The following ZNF568 variants were observed in gnomAD, a reference collection of about 807,000 sequenced individuals.
ZNF568 encodes p53 inhibitor of SCO2 activation.
Under a neutral mutation model 18.1 loss-of-function variants are expected in ZNF568, and 11 were observed. The observed-to-expected ratio is 0.61, with a 90% CI of 0.38 to 1.00. The LOEUF (loss-of-function observed/expected upper bound fraction) is 1.00. Ranked by LOEUF, ZNF568 falls within the 50% of genes least tolerant of loss-of-function variation. The pLI is 0.01. For synonymous variants in ZNF568, 213 were observed against 246.6 expected (o/e 0.86, Z 1.28); for missense variants, 639 against 768.2 (o/e 0.83, Z 1.99).
At chr19:36,997,681 C>A, downstream of ZNF568, 1 of 1,037,002 alleles carries the variant, frequency 9.6e-7, no homozygotes, top group Non-Finnish European at 1.4e-6. Context: ...ACACCTTAGT[C>A]AACATCAAAG....
At chr19:36,983,333 T>C (rs1047750359), downstream of ZNF568, among the ~76,000 whole-genome samples, 10 of 152,228 alleles carry the variant, frequency 6.6e-5, no homozygotes, top group South Asian at 2.1e-4. Flanking sequence ...GGAGTACTCA[T>C]GTTATCAATG....
rs918924398 is a variant in ZNF568, at chr19:36,951,364, G to C, written c.*276G>C. On this transcript the variant is annotated 3_prime_UTR_variant, in exon 7 of 7. Transcript: ENST00000333987. ...ATGATTATAAAATTCATGTGAAATA[G>C]AAGTGTATGAATTGCTGCGACAATT... 3.9e-6 allele frequency: 1 copy of C among 256,498 alleles called. No individual in the cohort carries two copies. Among genetic ancestry groups the C allele is most frequent in the Non-Finnish European group, 7.3e-6 (1 of 137,366 alleles). The allele number at this position is 256,498 out of a possible 1,614,324, so 15.9% of individuals were successfully genotyped here. A position where few individuals can be genotyped will look rare whatever the true frequency, so the allele number is the denominator to read the frequency against.
intron 2 of ZNF568, among the ~76,000 whole-genome samples, chr19:36,988,073 G>A (rs572087250): frequency 1.3e-5 from 2 of 152,028 alleles, no homozygotes; most frequent in South Asian, 4.2e-4. Context: ...CTATGTGTTA[G>A]TATGTCTCCT....
chr19:36,955,379 G>C (rs114437741), downstream of ZNF568, among the ~76,000 whole-genome samples: 54,350 of 151,604 alleles, frequency 0.36, 9,975 homozygotes, highest in African/African-American at 0.41. Flanking sequence ...GACAACCTTA[G>C]ATTTCTCTTT....
intron 6 of ZNF568, among the ~76,000 whole-genome samples, chr19:36,942,831 C>T (rs1447089163): frequency 6.6e-6 from 1 of 152,042 alleles, no homozygotes; most frequent in Non-Finnish European, 1.5e-5. Context: ...TCTAACACAC[C>T]TAACAACATT....
chr19:36,943,110 A>T (rs1246815510), intron 6 of ZNF568, among the ~76,000 whole-genome samples: 1 of 152,172 alleles, frequency 6.6e-6, no homozygotes, highest in East Asian at 1.9e-4. Flanking sequence ...GGCTTTATTC[A>T]ATGCAGATTC....
At position 36,952,139 on chromosome 19, in the gene ZNF568, T is replaced by G; in HGVS notation, c.*1051T>G. 3.3e-4 allele frequency: 161 copies of G among 494,134 alleles called. No homozygotes were observed. Among genetic ancestry groups the G allele is most frequent in the Non-Finnish European group, 4.0e-4 (154 of 386,530 alleles). The allele number at this position is 494,134 out of a possible 1,614,324, so 30.6% of individuals were successfully genotyped here. On this transcript the variant is annotated 3_prime_UTR_variant, in exon 7 of 7. Transcript: ENST00000333987. The stretch of plus-strand genomic sequence containing the variant: ...ACAAATAATGCATAAGAAATATATA[T>G]ATAATATATGTATGTATGTATAGCC...
intron 2 of ZNF568, among the ~76,000 whole-genome samples, chr19:36,987,228 C>T (rs186031858): frequency 1.3e-5 from 2 of 152,138 alleles, no homozygotes; most frequent in East Asian, 3.9e-4. Flanking sequence ...CATGGGTAAT[C>T]TCGGTTTGGA....
At chr19:36,923,307 G>A (rs568966398) in intron 3 of ZNF568, among the ~76,000 whole-genome samples, 35 of 151,968 alleles carry the variant, frequency 2.3e-4, no homozygotes, top group African/African-American at 7.2e-4. Context: ...AACCCCTTCC[G>A]TTTCATCTCC....
chr19:36,997,689 A>C, downstream of ZNF568: 1 of 980,606 alleles, frequency 1.0e-6, no homozygotes, highest in Non-Finnish European at 1.6e-6. Context: ...GTCAACATCA[A>C]AGAATTCATT....
At chr19:36,920,740 A>G (rs886338036) in intron 2 of ZNF568, among the ~76,000 whole-genome samples, 7 of 152,178 alleles carry the variant, frequency 4.6e-5, no homozygotes, top group Admixed American at 1.3e-4. Context: ...TACAGTGTTT[A>G]TAAAGTCTAC....
At chr19:36,996,799 A>G (rs1236811341) in exon 5 of ZNF568, 31 of 1,554,606 alleles carry the variant, frequency 2.0e-5, no homozygotes, top group Non-Finnish European at 2.7e-5. Context: ...TCATAAATGT[A>G]AGGAATGTGG....
rs76825607 is a variant in ZNF568 at position 36,950,350 on chromosome 19, C to T, written c.1197C>T (p.Phe399=). The part of the protein sequence containing the change: ...PYKCNKCGKA[F]SQCSVFIIHM... ...AATGTAATAAATGTGGAAAAGCTTT[C>T]TCTCAATGCTCAGTATTTATTATAC... The change falls in exon 7 of 7, where the codon TTC becomes TTT. Residue 399 remains phenylalanine (F), a synonymous_variant. Coordinates refer to ENST00000333987, the MANE Select transcript of ZNF568 (RefSeq NM_198539.4). 16,462 of 1,613,160 alleles carry T rather than the reference C, an allele frequency of 0.01. 126 individuals are homozygous for T. The highest frequency in any genetic ancestry group is 0.025 in the African/African-American group (1,901 of 74,824).
chr19:36,971,538 C>G (rs2074235567), intron 6 of ZNF568, among the ~76,000 whole-genome samples: 1 of 152,188 alleles, frequency 6.6e-6, no homozygotes, highest in South Asian at 2.1e-4. Context: ...TAGAAGTTAA[C>G]TGCTGTTAAC....
chr19:36,921,193 G>C (rs2073448407), intron 2 of ZNF568, among the ~76,000 whole-genome samples: 1 of 152,132 alleles, frequency 6.6e-6, no homozygotes, highest in Admixed American at 6.5e-5. Flanking sequence ...CAAGCATGGT[G>C]GCTTATGCCT....
intron 6 of ZNF568, among the ~76,000 whole-genome samples, chr19:36,972,180 T>C (rs1418459819): frequency 6.6e-6 from 1 of 152,124 alleles, no homozygotes; most frequent in Non-Finnish European, 1.5e-5. Context: ...TGGTTTATTT[T>C]AGTAGCACTT....
intron 6 of ZNF568, among the ~76,000 whole-genome samples, chr19:36,941,285 T>C (rs190162104): frequency 6.6e-6 from 1 of 152,242 alleles, no homozygotes; most frequent in East Asian, 1.9e-4. Flanking sequence ...TTTTGGGTGA[T>C]GGTATGAAAG....
In ZNF568 at chr19:36,948,658, A is replaced by ATTTTTTTTTTTTTTT. The variant is rs4069585; in HGVS notation, c.359-843_359-829dup. 5.9e-4 allele frequency among the ~76,000 whole-genome samples: 49 copies of ATTTTTTTTTTTTTTT among 83,560 alleles called. 2 individuals carry two copies. The highest frequency in any genetic ancestry group is 1.4e-3 in the East Asian group (3 of 2,084). 54.8% of individuals were successfully genotyped at this position (83,560 alleles called of 152,430 possible). On this transcript the variant is annotated intron_variant, in intron 6 of 6. Transcript: ENST00000333987. ...TTGCAGCAGGGGTTTTTTGTTGTTG[A>ATTTTTTTTTTTTTTT]TTTTTTTTTTTTTTTTTTTTTTTTT...
At chr19:36,994,976 C>A (rs552845095) in intron 4 of ZNF568, among the ~76,000 whole-genome samples, 1 of 152,142 alleles carries the variant, frequency 6.6e-6, no homozygotes, top group South Asian at 2.1e-4. Context: ...TCACTGGTTA[C>A]AATTTTTGTC....
Sources: allele counts gnomAD v4.1 joint callset (sites outside exome capture counted in the v4.1 genomes callset), GRCh38; gene constraint gnomAD v4.1.1; transcripts MANE v1.5; gene names NCBI Gene and HGNC (gene_info 2026-07-23, HGNC 2026-07-21).